Variants in DNAH11 observed in about 807,000 individuals in gnomAD.
DNAH11 encodes the protein dynein axonemal heavy chain 11, also known as axonemal beta dynein heavy chain 11.
DNAH11 carries 442 observed loss-of-function variants against 526.0 expected under a neutral mutation model. The ratio of observed to expected loss-of-function variants is 0.84; its 90% CI spans 0.78 to 0.91. The LOEUF (loss-of-function observed/expected upper bound fraction) is 0.91. Ranked by LOEUF, DNAH11 falls within the 40% of genes least tolerant of loss-of-function variation. The pLI is 0.00. For missense variants in DNAH11, 6,989 were observed against 5,448.7 expected, an observed-to-expected ratio of 1.28 and a Z score of -8.90; for synonymous variants, 2,461 against 1,935.9, an observed-to-expected ratio of 1.27 and a Z score of -7.12.
At position 21,726,817 on chromosome 7, in the gene DNAH11, C is replaced by T. The variant is rs563736308; in HGVS notation, c.7440+833C>T. Among the ~76,000 whole-genome samples, 18 of 85,470 alleles carry T rather than the reference C, an allele frequency of 2.1e-4. No individual in the cohort carries two copies. In the South Asian group the frequency reaches 6.3e-3, roughly 30 times the overall value. The allele number at this position is 85,470 out of a possible 152,430, so 56.1% of individuals were successfully genotyped here. Reference sequence around the variant, plus strand: ...CGGAGGTCGCGGTGAGCCGAGATCGCGCCACTGCACTCCAGCCTGGGCGAC... The same window carrying T: ...CGGAGGTCGCGGTGAGCCGAGATCGTGCCACTGCACTCCAGCCTGGGCGAC... On this transcript the variant is annotated intron_variant, in intron 45 of 81. Transcript: ENST00000409508.
chr7:21,785,810 A>G (rs10268679), intron 58 of DNAH11, among the ~76,000 whole-genome samples: 107,628 of 152,054 alleles, frequency 0.71, 38,882 homozygotes, highest in Non-Finnish European at 0.77. Flanking sequence ...TTGTAATCAT[A>G]TACCAAATAA....
intron 25 of DNAH11, among the ~76,000 whole-genome samples, chr7:21,633,680 G>A (rs1429849757): frequency 1.3e-5 from 2 of 152,180 alleles, no homozygotes; most frequent in Admixed American, 1.3e-4. Flanking sequence ...ATGCACTTGA[G>A]TAGGGAGACA....
chr7:21,721,535 G>A (rs1784874059), intron 44 of DNAH11, among the ~76,000 whole-genome samples: 1 of 152,212 alleles, frequency 6.6e-6, no homozygotes, highest in Non-Finnish European at 1.5e-5. Flanking sequence ...GTGTCAGCAT[G>A]GTTGAGTTCC....
At chr7:21,544,845 G>T (rs1782746602) in intron 1 of DNAH11, among the ~76,000 whole-genome samples, 161 bp from the exon 2 acceptor site, 2 of 152,038 alleles carry the variant, frequency 1.3e-5, no homozygotes, top group Non-Finnish European at 2.9e-5. Context: ...CTGTATACTC[G>T]CTGCATACTA....
At chr7:21,613,382 A>G (rs1305203788) in intron 20 of DNAH11, among the ~76,000 whole-genome samples, 1 of 152,242 alleles carries the variant, frequency 6.6e-6, no homozygotes, top group Non-Finnish European at 1.5e-5. Flanking sequence ...AAAAGGCATT[A>G]AAAATTATTA....
chr7:21,681,760 G>C lies in DNAH11; in HGVS notation c.5460+83G>C, dbSNP rs185545978. The C allele has an allele frequency of 6.4e-6, 10 of 1,557,666 alleles. No homozygotes were observed. In the East Asian group the frequency reaches 2.0e-4, roughly 32 times the overall value. The stretch of plus-strand genomic sequence containing the variant: ...TTGCCAGAGTAGTTCCAAGAAAGTC[G>C]TTGTTTTTTTGAAAGTTTGTATGTT... On this transcript the variant is annotated intron_variant, in intron 31 of 81. Coordinates refer to ENST00000409508, the MANE Select transcript of DNAH11 (RefSeq NM_001277115.2).
At chr7:21,568,008 A>G (rs1222991260) in intron 6 of DNAH11, among the ~76,000 whole-genome samples, 1 of 152,162 alleles carries the variant, frequency 6.6e-6, no homozygotes, top group Admixed American at 6.6e-5. Context: ...ACAAGATCCT[A>G]GGTGAGGAAG....
Position 21,899,726 on chromosome 7 carries a change from T to G in DNAH11, c.13163-254T>G, listed in dbSNP as rs73077581. On this transcript the variant is annotated intron_variant, in intron 80 of 81. Coordinates refer to ENST00000409508, the MANE Select transcript of DNAH11 (RefSeq NM_001277115.2). ...TTTCTGGAAAGGGCCACATAGCTTCTCTGCTACTGTAGTGCGAAAACCACA... is the reference window on the plus strand; with the variant it reads ...TTTCTGGAAAGGGCCACATAGCTTCGCTGCTACTGTAGTGCGAAAACCACA... Among the ~76,000 whole-genome samples the G allele has an allele frequency of 0.094, 14,345 of 152,258 alleles. 919 individuals carry two copies. The highest frequency in any genetic ancestry group is 0.14 in the Non-Finnish European group (9,246 of 67,994).
At chr7:21,554,405 C>T (rs1783141585) in intron 2 of DNAH11, among the ~76,000 whole-genome samples, 1 of 151,964 alleles carries the variant, frequency 6.6e-6, no homozygotes, top group Non-Finnish European at 1.5e-5. Flanking sequence ...GAGGCCCTGA[C>T]CTCAGGTGAT....
intron 14 of DNAH11, among the ~76,000 whole-genome samples, chr7:21,598,093 AC>A (rs1466009396): frequency 3.3e-5 from 5 of 152,192 alleles, no homozygotes; most frequent in Non-Finnish European, 7.3e-5. Context: ...ATTCTTGCTT[AC>A]AACATAACAC....
intron 22 of DNAH11, among the ~76,000 whole-genome samples, chr7:21,617,181 A>G (rs1481798482): frequency 6.6e-6 from 1 of 152,230 alleles, no homozygotes; most frequent in Non-Finnish European, 1.5e-5. Context: ...ATGATGAAAT[A>G]TTTAGGTTTC....
chr7:21,821,089 G>C (rs1234432257), intron 65 of DNAH11, among the ~76,000 whole-genome samples: 1 of 152,112 alleles, frequency 6.6e-6, no homozygotes, highest in Non-Finnish European at 1.5e-5. Context: ...GTAATTAATT[G>C]GATATTATGG....
In DNAH11 at chr7:21,637,637, A is replaced by T; in HGVS notation, c.4752A>T (p.Val1584=). 1 of 1,589,694 alleles carries T rather than the reference A, an allele frequency of 6.3e-7. No homozygotes were observed. Among genetic ancestry groups the T allele is most frequent in the African/African-American group, 1.3e-5 (1 of 74,608 alleles). ...AGTTAATGTTCAAGACAGCCAAAGT[A>T]GAAAATGTGTTAGAAGCAACGTGCA... ...FKELMFKTAK[V]ENVLEATCRP... The change falls in exon 27 of 82, where the codon GTA becomes GTT. Residue 1584 remains valine, a synonymous_variant. Coordinates refer to ENST00000409508, the MANE Select transcript of DNAH11 (RefSeq NM_001277115.2).
In DNAH11 at chr7:21,901,205, AGACTGCAAAATGGGTTCTGGC is replaced by A. The variant is rs1562614818; in HGVS notation, c.13503_13523del (p.Lys4501_Ala4508delinsAsn). The stretch of plus-strand genomic sequence containing the variant: ...ACCTTCAGGCTGAAGAGCGAAGAGA[AGACTGCAAAATGGGTTCTGGC>A]TGGAGTGGCTCTGCTTCTAGAAGCG... On this transcript the variant is annotated inframe_deletion, in exon 82 of 82. Transcript: ENST00000409508. 6.2e-7 allele frequency: 1 copy of A among 1,613,094 alleles called. No individual in the cohort carries two copies. The highest frequency in any genetic ancestry group is 8.5e-7 in the Non-Finnish European group (1 of 1,179,222).
intron 58 of DNAH11, among the ~76,000 whole-genome samples, chr7:21,785,168 GC>G (rs1321381103): frequency 6.6e-6 from 1 of 152,206 alleles, no homozygotes; most frequent in African/African-American, 2.4e-5. Context: ...TCTGGGGAGA[GC>G]TCAGGAAATC....
At chr7:21,584,183 G>A (rs559506888) in intron 9 of DNAH11, among the ~76,000 whole-genome samples, 2 of 152,294 alleles carry the variant, frequency 1.3e-5, no homozygotes, top group African/African-American at 4.8e-5. Flanking sequence ...CAACCCAAAT[G>A]CCCATCAATG....
chr7:21,581,064 GCTAA>G (rs1454539843), intron 8 of DNAH11, among the ~76,000 whole-genome samples: 9 of 152,310 alleles, frequency 5.9e-5, no homozygotes, highest in East Asian at 1.9e-4. Context: ...TTACTCACGT[GCTAA>G]CTGTCATTAA....
Position 21,868,848 on chromosome 7 carries a change from G to A in DNAH11, c.11840-16G>A, listed in dbSNP as rs1583792571. 1 of 1,613,776 alleles carries A rather than the reference G, an allele frequency of 6.2e-7. No individual in the cohort carries two copies. Among genetic ancestry groups the A allele is most frequent in the African/African-American group, 1.3e-5 (1 of 75,016 alleles). On this transcript the variant is annotated splice_polypyrimidine_tract_variant and intron_variant, in intron 72 of 81. Transcript: ENST00000409508. ...TTCATAGACATTTCCTCTCACCGTG[G>A]TGTATTCTCCCACAGGCAAAAGACT...
At chr7:21,887,016 C>CTGTT (rs1784147783) in intron 76 of DNAH11, among the ~76,000 whole-genome samples, 1 of 152,182 alleles carries the variant, frequency 6.6e-6, no homozygotes, top group Non-Finnish European at 1.5e-5. Flanking sequence ...CCTGTTTATG[C>CTGTT]TGTTTATATG....
Sources: gnomAD v4.1 joint callset for allele counts (sites outside exome capture counted in the v4.1 genomes callset) on GRCh38, gnomAD v4.1.1 for gene constraint, MANE v1.5 for transcripts, NCBI Gene and HGNC (gene_info 2026-07-23, HGNC 2026-07-21) for gene names.